The following OSBPL1A variants were observed in gnomAD, a reference collection of about 807,000 sequenced individuals.
The protein encoded by OSBPL1A is oxysterol-binding protein-related protein 1.
In OSBPL1A, 80 loss-of-function variants were observed where a neutral mutation model predicts 137.1. That is an observed-to-expected ratio of 0.58 (90% CI 0.49 to 0.70). The LOEUF (loss-of-function observed/expected upper bound fraction) is 0.70. Among genes scored for constraint, OSBPL1A ranks in the 30% least tolerant of loss-of-function variants. OSBPL1A has a pLI of 0.00. For missense variants in OSBPL1A, 970 were observed against 1,129.4 expected (o/e 0.86, Z 2.02); for synonymous variants, 365 against 389.7 (o/e 0.94, Z 0.75).
At chr18:24,163,737 T>G (rs1320806537) in intron 27 of OSBPL1A, among the ~76,000 whole-genome samples, 2 of 152,098 alleles carry the variant, frequency 1.3e-5, no homozygotes, top group African/African-American at 2.4e-5. Context: ...AACTCCTTTT[T>G]TTTTTTTTCT....
At chr18:24,384,416 A>G (rs560791807) in intron 1 of OSBPL1A, among the ~76,000 whole-genome samples, 2 of 152,242 alleles carry the variant, frequency 1.3e-5, no homozygotes, top group East Asian at 3.9e-4. Flanking sequence ...TCTACTAAAA[A>G]TACAAAAATT....
intron 5 of OSBPL1A, among the ~76,000 whole-genome samples, chr18:24,336,933 G>C (rs1599683321): frequency 6.6e-6 from 1 of 152,162 alleles, no homozygotes; most frequent in Admixed American, 6.5e-5. Context: ...TATTTACTTT[G>C]TCTCAGTTTT....
intron 13 of OSBPL1A, among the ~76,000 whole-genome samples, chr18:24,304,933 A>G (rs1407873793): frequency 2.0e-5 from 3 of 152,190 alleles, no homozygotes; most frequent in African/African-American, 7.2e-5. Context: ...ACACTATGCA[A>G]TTTAAAACAC....
chr18:24,187,791 A>G (rs1312370543), intron 18 of OSBPL1A, among the ~76,000 whole-genome samples: 1 of 152,200 alleles, frequency 6.6e-6, no homozygotes, highest in Non-Finnish European at 1.5e-5. Context: ...TGGCATAGGG[A>G]CCTGGGCTTA....
At chr18:24,176,294 A>G (rs2145917702) in intron 21 of OSBPL1A, among the ~76,000 whole-genome samples, 1 of 152,332 alleles carries the variant, frequency 6.6e-6, no homozygotes, top group African/African-American at 2.4e-5. Flanking sequence ...TTCCAAATAT[A>G]TCGAGACAGT....
In OSBPL1A at chr18:24,199,191, G is replaced by A. The variant is rs185810900; in HGVS notation, c.1602-2991C>T. ...CACTTTTAAAAGAAATTGGAAGACC[G>A]CCACGCAGGAGGACTGATCCGAGGC... On this transcript the variant is annotated intron_variant, in intron 17 of 27. Transcript: ENST00000319481. 2.4e-4 allele frequency among the ~76,000 whole-genome samples: 37 copies of A among 152,092 alleles called. 1 individual carries two copies. The highest frequency in any genetic ancestry group is 1.8e-3 in the Admixed American group (28 of 15,270).
intron 15 of OSBPL1A, among the ~76,000 whole-genome samples, chr18:24,261,150 G>T (rs1164696022): frequency 6.6e-6 from 1 of 151,952 alleles, no homozygotes; most frequent in African/African-American, 2.4e-5. Flanking sequence ...GCCAGAACCC[G>T]CCCCCAAAAG....
At chr18:24,225,001 C>G (rs201376593) in intron 17 of OSBPL1A, 41 bp downstream of exon 17, 2 of 1,609,420 alleles carry the variant, frequency 1.2e-6, no homozygotes, top group Non-Finnish European at 1.7e-6. Flanking sequence ...TGTACTTTAT[C>G]GTAAAAACGC....
At chr18:24,272,258 T>C in intron 15 of OSBPL1A, 1 of 725,778 alleles carries the variant, frequency 1.4e-6, no homozygotes, top group Non-Finnish European at 1.7e-6. Context: ...CTTTTTTCTT[T>C]TTTTTTTTTT....
chr18:24,182,770 A>T (rs1056079253), intron 18 of OSBPL1A, among the ~76,000 whole-genome samples: 1 of 152,180 alleles, frequency 6.6e-6, no homozygotes, highest in Non-Finnish European at 1.5e-5. Context: ...ACACTCTAAG[A>T]GCTCATTAAA....
intron 17 of OSBPL1A, among the ~76,000 whole-genome samples, chr18:24,224,140 C>G (rs1411424561): frequency 6.6e-6 from 1 of 152,010 alleles, no homozygotes; most frequent in African/African-American, 2.4e-5. Context: ...AAAATAAATA[C>G]AAACTGAGAC....
intron 15 of OSBPL1A, among the ~76,000 whole-genome samples, chr18:24,273,901 G>A (rs182700088): frequency 2.0e-5 from 3 of 152,122 alleles, no homozygotes; most frequent in Admixed American, 2.0e-4. Context: ...TGGAGTCAGG[G>A]AAGACAGAAT....
At chr18:24,317,283 T>G in intron 10 of OSBPL1A, 44 bp downstream of exon 10, 1 of 1,609,166 alleles carries the variant, frequency 6.2e-7, no homozygotes, top group South Asian at 1.1e-5. Flanking sequence ...TATTTCAAAA[T>G]TTATACAGTG....
chr18:24,269,851 AACACACACACACAC>A (rs147895357), intron 15 of OSBPL1A, among the ~76,000 whole-genome samples: 1 of 139,986 alleles, frequency 7.1e-6, no homozygotes, highest in African/African-American at 2.7e-5. Flanking sequence ...TGACAAGCCT[AACACACACACACAC>A]ACACACACAC....
At chr18:24,375,563 C>G (rs1426574971) in intron 2 of OSBPL1A, among the ~76,000 whole-genome samples, 1 of 152,096 alleles carries the variant, frequency 6.6e-6, no homozygotes, top group Non-Finnish European at 1.5e-5. Context: ...CTATCGTCAC[C>G]TGGTTAACTC....
intron 1 of OSBPL1A, among the ~76,000 whole-genome samples, chr18:24,381,750 G>C (rs1352393502): frequency 6.6e-6 from 1 of 152,040 alleles, no homozygotes; most frequent in Non-Finnish European, 1.5e-5. Flanking sequence ...TTGAGGTCAG[G>C]AGTTCGAGCC....
chr18:24,315,024 G>C (rs1007193351), intron 11 of OSBPL1A, among the ~76,000 whole-genome samples: 2 of 152,132 alleles, frequency 1.3e-5, no homozygotes, highest in Non-Finnish European at 2.9e-5. Context: ...ACCTGTTGCA[G>C]AAAACAACTA....
At chr18:24,241,387 G>A (rs1374375689) in intron 15 of OSBPL1A, among the ~76,000 whole-genome samples, 1 of 152,104 alleles carries the variant, frequency 6.6e-6, no homozygotes. Context: ...ATCTGACAAA[G>A]GGCTAATATC....
At chr18:24,302,236 G>GA (rs368812387) in intron 14 of OSBPL1A, among the ~76,000 whole-genome samples, 38,678 of 106,080 alleles carry the variant, frequency 0.36, 6,294 homozygotes, top group Middle Eastern at 0.42. Context: ...TCCATCTCAA[G>GA]AAAAAAAAAA....
Sources: gnomAD v4.1 joint callset for allele counts (sites outside exome capture counted in the v4.1 genomes callset) on GRCh38, gnomAD v4.1.1 for gene constraint, MANE v1.5 for transcripts, NCBI Gene and HGNC (gene_info 2026-07-23, HGNC 2026-07-21) for gene names.